KANK1: variants seen among roughly 807,000 people sequenced by gnomAD.
KANK1 encodes the protein KN motif and ankyrin repeat domain-containing protein 1.
Under a neutral mutation model 106.2 loss-of-function variants are expected in KANK1, and 109 were observed. The observed-to-expected ratio is 1.03, with a 90% CI of 0.88 to 1.20. The LOEUF (loss-of-function observed/expected upper bound fraction) is 1.20, where lower values mean the gene tolerates loss of function less well. Ranked by LOEUF, KANK1 falls within the 50% of genes most tolerant of loss-of-function variation. The pLI, the probability that KANK1 is intolerant of heterozygous loss-of-function variation, is 0.00. For missense variants in KANK1, 2,399 were observed against 1,710.7 expected (o/e 1.40, Z -7.10); for synonymous variants, 873 against 652.2 (o/e 1.34, Z -5.16).
At chr9:470,585 C>G (rs1587160475) in exon 2 of KANK1, 1 of 152,466 alleles carries the variant, frequency 6.6e-6, no homozygotes, top group South Asian at 2.1e-4. Flanking sequence ...GGAGGGAGTT[C>G]TAGCGAAGAC....
intron 1 of KANK1, among the ~76,000 whole-genome samples, chr9:568,131 AATAGTTTAC>A (rs1818264234): frequency 6.6e-6 from 1 of 152,214 alleles, no homozygotes; most frequent in Non-Finnish European, 1.5e-5. Flanking sequence ...CCTGTGTGAG[AATAGTTTAC>A]ATTTATCTTG....
intron 1 of KANK1, among the ~76,000 whole-genome samples, chr9:585,109 C>G (rs1299950951): frequency 6.6e-6 from 1 of 152,156 alleles, no homozygotes; most frequent in African/African-American, 2.4e-5. Flanking sequence ...TGTGGTTATT[C>G]TCCTGCCTCT....
chr9:518,173 T>C (rs867282899), intron 1 of KANK1, among the ~76,000 whole-genome samples: 1 of 151,872 alleles, frequency 6.6e-6, no homozygotes, highest in African/African-American at 2.4e-5. Flanking sequence ...GCTTGAAGTT[T>C]ATATAGTTTG....
Position 721,441 on chromosome 9 carries a change from ATACT to A in KANK1, c.2698+7982_2698+7985del, listed in dbSNP as rs1277820817. 3.3e-5 allele frequency among the ~76,000 whole-genome samples: 5 copies of A among 152,246 alleles called. 1 individual carries two copies. Among genetic ancestry groups the A allele is most frequent in the South Asian group, 4.1e-4 (2 of 4,828 alleles). ...AGAAAAAGGGGGGGCCATATGGCAA[ATACT>A]TACTCTTGCTGCACTTTATGCAAAT... On this transcript the variant is annotated intron_variant, in intron 3 of 11. Transcript: ENST00000382297.
At chr9:686,523 G>A (rs188406416) in intron 2 of KANK1, among the ~76,000 whole-genome samples, 1 of 152,282 alleles carries the variant, frequency 6.6e-6, no homozygotes, top group East Asian at 1.9e-4. Flanking sequence ...TCTGTACACT[G>A]GTCGGGGAGG....
At chr9:565,509 A>G (rs560340953) in intron 1 of KANK1, among the ~76,000 whole-genome samples, 1 of 152,218 alleles carries the variant, frequency 6.6e-6, no homozygotes, top group South Asian at 2.1e-4. Context: ...GTTATCACTC[A>G]AATTAATCTC....
chr9:720,429 C>G (rs555058522), intron 3 of KANK1, among the ~76,000 whole-genome samples: 1 of 152,322 alleles, frequency 6.6e-6, no homozygotes, highest in South Asian at 2.1e-4. Context: ...ACCATAGCCC[C>G]TAACTGCCAA....
intron 1 of KANK1, among the ~76,000 whole-genome samples, chr9:517,728 C>G (rs1330898444): frequency 7.5e-6 from 1 of 133,892 alleles, no homozygotes; most frequent in Non-Finnish European, 1.5e-5. Context: ...GTAATAAGAC[C>G]TTGAGGATTC....
At chr9:618,740 A>G (rs1033948207) in intron 1 of KANK1, among the ~76,000 whole-genome samples, 62 of 152,130 alleles carry the variant, frequency 4.1e-4, no homozygotes, top group Middle Eastern at 3.4e-3. Context: ...CAACATCCAA[A>G]CTGGTCATTT....
At chr9:571,569 A>T (rs1023761736) in intron 1 of KANK1, among the ~76,000 whole-genome samples, 2 of 148,456 alleles carry the variant, frequency 1.3e-5, no homozygotes, top group African/African-American at 2.4e-5. Flanking sequence ...CTAAATAAAA[A>T]AAAAAAAAAT....
chr9:633,871 C>G (rs9657628), intron 1 of KANK1, among the ~76,000 whole-genome samples: 9,518 of 152,154 alleles, frequency 0.063, 806 homozygotes, highest in East Asian at 0.24. Context: ...AGGCTGGGCC[C>G]AACTCCTAGC....
At chr9:613,048 T>C (rs72689682) in intron 1 of KANK1, among the ~76,000 whole-genome samples, 2,767 of 152,032 alleles carry the variant, frequency 0.018, 56 homozygotes, top group African/African-American at 0.035. Flanking sequence ...GGTGAAGATA[T>C]TGGGACAGAA....
chr9:580,297 C>G (rs1821730029), intron 1 of KANK1, among the ~76,000 whole-genome samples: 1 of 152,138 alleles, frequency 6.6e-6, no homozygotes. Flanking sequence ...GGTGTTACAG[C>G]TCATAAAGGC....
chr9:546,488 G>A (rs1261949109), intron 1 of KANK1, among the ~76,000 whole-genome samples: 1 of 152,122 alleles, frequency 6.6e-6, no homozygotes, highest in African/African-American at 2.4e-5. Context: ...GAGGGTGATA[G>A]CTGGAGGTGG....
At chr9:572,346 C>G (rs554829393) in intron 1 of KANK1, among the ~76,000 whole-genome samples, 3 of 151,538 alleles carry the variant, frequency 2.0e-5, no homozygotes, top group Non-Finnish European at 4.4e-5. Flanking sequence ...GTCAAGAGAT[C>G]GAGACCATCC....
intron 1 of KANK1, among the ~76,000 whole-genome samples, chr9:613,217 C>T (rs1397256387): frequency 6.6e-6 from 1 of 151,530 alleles, no homozygotes; most frequent in African/African-American, 2.4e-5. Context: ...TTCACAGCAT[C>T]TTTAAGATTC....
intron 2 of KANK1, among the ~76,000 whole-genome samples, chr9:694,898 C>G (rs1820863829): frequency 6.6e-6 from 1 of 152,116 alleles, no homozygotes; most frequent in Non-Finnish European, 1.5e-5. Flanking sequence ...TGCCTGAGCT[C>G]ATCTGGTCTG....
intron 7 of KANK1, among the ~76,000 whole-genome samples, chr9:737,291 G>A (rs978505635): frequency 6.6e-6 from 1 of 152,204 alleles, no homozygotes; most frequent in African/African-American, 2.4e-5. Context: ...ATAATCAGTA[G>A]CAGGATGATA....
At chr9:475,903 A>G (rs1457795945) in intron 3 of KANK1, among the ~76,000 whole-genome samples, 2 of 151,824 alleles carry the variant, frequency 1.3e-5, no homozygotes, top group African/African-American at 4.8e-5. Context: ...CCCAGGCTGG[A>G]GTGTAGCGTC....
Sources: gnomAD v4.1 joint callset for allele counts (sites outside exome capture counted in the v4.1 genomes callset) on GRCh38, gnomAD v4.1.1 for gene constraint, MANE v1.5 for transcripts, NCBI Gene and HGNC (gene_info 2026-07-23, HGNC 2026-07-21) for gene names.